The following TIMD4 variants were observed in gnomAD, a reference collection of about 807,000 sequenced individuals.
TIMD4 encodes the protein T-cell immunoglobulin and mucin domain-containing protein 4.
A neutral mutation model predicts 41.2 loss-of-function variants in TIMD4; 31 were observed. That is an observed-to-expected ratio of 0.75 (90% CI 0.57 to 1.01). The LOEUF (loss-of-function observed/expected upper bound fraction) is 1.01. TIMD4 is among the 50% of genes least tolerant of loss of function. The probability of loss-of-function intolerance (pLI) is 0.00; values close to 1 mark genes in which losing one functional copy is unlikely to be tolerated. For synonymous variants in TIMD4, 204 were observed against 177.1 expected (o/e 1.15, Z -1.21); for missense variants, 479 against 472.5 (o/e 1.01, Z -0.13).
intron 2 of TIMD4, among the ~76,000 whole-genome samples, chr5:156,953,950 TATG>T (rs2113388590): frequency 6.6e-6 from 1 of 152,344 alleles, no homozygotes; most frequent in South Asian, 2.1e-4. Context: ...TGAAAACTGC[TATG>T]ACTGTGTCCA....
chr5:156,937,783 GA>G (rs1759567430), intron 5 of TIMD4, among the ~76,000 whole-genome samples: 1 of 152,098 alleles, frequency 6.6e-6, no homozygotes, highest in Non-Finnish European at 1.5e-5. Flanking sequence ...GCTATTGTGA[GA>G]AAAAATAATA....
intron 5 of TIMD4, among the ~76,000 whole-genome samples, chr5:156,931,229 G>A (rs1014581745): frequency 6.6e-6 from 1 of 152,178 alleles, no homozygotes; most frequent in African/African-American, 2.4e-5. Flanking sequence ...TGATTTTAGA[G>A]CTTCTACCCT....
chr5:156,928,253 GC>G (rs906204127), intron 5 of TIMD4, among the ~76,000 whole-genome samples: 1 of 151,856 alleles, frequency 6.6e-6, no homozygotes, highest in Non-Finnish European at 1.5e-5. Context: ...AGCCGAGATT[GC>G]CCCACTGCAC....
chr5:156,943,519 T>C (rs1759682565), intron 5 of TIMD4, among the ~76,000 whole-genome samples: 1 of 152,168 alleles, frequency 6.6e-6, no homozygotes, highest in East Asian at 1.9e-4. Flanking sequence ...CCCAACAGGC[T>C]ATGAGAAGAA....
chr5:156,934,723 AT>A (rs1456021553), intron 5 of TIMD4, among the ~76,000 whole-genome samples: 2 of 152,210 alleles, frequency 1.3e-5, no homozygotes, highest in Admixed American at 6.5e-5. Context: ...TCAAAAAAAA[AT>A]GTTCTTAACG....
chr5:156,929,311 C>T (rs931818404), intron 5 of TIMD4, among the ~76,000 whole-genome samples: 6 of 152,278 alleles, frequency 3.9e-5, no homozygotes, highest in South Asian at 2.1e-4. Flanking sequence ...CCTCCCAGAA[C>T]TTGGGAGTAA....
intron 5 of TIMD4, among the ~76,000 whole-genome samples, chr5:156,940,711 G>A (rs916706295): frequency 1.3e-4 from 19 of 150,246 alleles, no homozygotes; most frequent in South Asian, 4.3e-4. Context: ...GAGCCCCTCC[G>A]CCCGGCAGCC....
At chr5:156,950,014 C>T (rs559666424) in intron 3 of TIMD4, among the ~76,000 whole-genome samples, 1 of 152,246 alleles carries the variant, frequency 6.6e-6, no homozygotes, top group East Asian at 1.9e-4. Flanking sequence ...GATGGGGTTT[C>T]ACCATGTTGG....
chr5:156,948,159 G>A (rs1759778707), intron 5 of TIMD4, among the ~76,000 whole-genome samples: 1 of 152,042 alleles, frequency 6.6e-6, no homozygotes, highest in Non-Finnish European at 1.5e-5. Flanking sequence ...AAGACAACCA[G>A]ATAGATGACA....
intron 1 of TIMD4, among the ~76,000 whole-genome samples, chr5:156,962,059 A>G (rs1753074423): frequency 6.6e-6 from 1 of 152,092 alleles, no homozygotes; most frequent in Admixed American, 6.6e-5. Context: ...AATGATAGTC[A>G]CTGGAGTCTA....
At chr5:156,921,532 A>G (rs1759238513) in intron 7 of TIMD4, among the ~76,000 whole-genome samples, 1 of 149,698 alleles carries the variant, frequency 6.7e-6, no homozygotes, top group Non-Finnish European at 1.5e-5. Context: ...AGGCAGGAGA[A>G]TCACTTGAAC....
chr5:156,954,698 G>A lies in TIMD4; in HGVS notation c.117C>T (p.Pro39=), dbSNP rs369988225. 3.1e-6 allele frequency: 5 copies of A among 1,614,094 alleles called. No homozygotes were observed. Among genetic ancestry groups the A allele is most frequent in the Non-Finnish European group, 4.2e-6 (5 of 1,179,960 alleles). The change falls in exon 2 of 9, where the codon CCC becomes CCT. Residue 39 remains proline (P), a synonymous_variant. Coordinates refer to ENST00000274532, the MANE Select transcript of TIMD4 (RefSeq NM_138379.3). ...TEVLGHRVTL[P]CLYSSWSHNS... is the part of the protein sequence containing the mutation. Reference sequence around the variant, plus strand: ...TGTGAGACCAGGATGAGTACAGACAGGGCAAAGTCACCCGGTGACCCAAAA... The same window carrying A: ...TGTGAGACCAGGATGAGTACAGACAAGGCAAAGTCACCCGGTGACCCAAAA...
chr5:156,944,409 C>T (rs1315031984), intron 5 of TIMD4, among the ~76,000 whole-genome samples: 1 of 151,858 alleles, frequency 6.6e-6, no homozygotes, highest in Non-Finnish European at 1.5e-5. Flanking sequence ...CTACAGATAT[C>T]CCCCATCCAG....
At chr5:156,925,583 A>G (rs1759332174) in intron 6 of TIMD4, among the ~76,000 whole-genome samples, 1 of 152,182 alleles carries the variant, frequency 6.6e-6, no homozygotes, top group South Asian at 2.1e-4. Flanking sequence ...GGCTTGAATC[A>G]CTTTTGTAAT....
chr5:156,928,426 G>C (rs1283161501), intron 5 of TIMD4, among the ~76,000 whole-genome samples: 2 of 152,136 alleles, frequency 1.3e-5, no homozygotes, highest in East Asian at 3.8e-4. Flanking sequence ...GAAATGGTCA[G>C]AGAGATCAGA....
At chr5:156,954,047 G>C (rs1483162377) in intron 2 of TIMD4, among the ~76,000 whole-genome samples, 2 of 152,270 alleles carry the variant, frequency 1.3e-5, no homozygotes, top group Admixed American at 1.3e-4. Flanking sequence ...ATTTTATTTA[G>C]TTCATGCAGT....
chr5:156,951,832 G>A (rs1343818691), intron 2 of TIMD4, 42 bp from the exon 3 acceptor site: 4 of 1,608,728 alleles, frequency 2.5e-6, no homozygotes, highest in Non-Finnish European at 3.4e-6. Context: ...AGCGGAGATG[G>A]AGGAAAAAGA....
At chr5:156,953,653 CAA>C (rs35165963) in intron 2 of TIMD4, among the ~76,000 whole-genome samples, 11 of 58,490 alleles carry the variant, frequency 1.9e-4, no homozygotes, top group African/African-American at 3.8e-4. Flanking sequence ...AAACTCTGTC[CAA>C]AAAAAAAAAA....
At chr5:156,948,352 T>TAA in intron 5 of TIMD4, 64 bp downstream of exon 5, 7 of 917,770 alleles carry the variant, frequency 7.6e-6, no homozygotes, top group South Asian at 4.4e-5. Context: ...AGATTCTGTC[T>TAA]AAAAAAAATA....
Sources: allele counts gnomAD v4.1 joint callset (sites outside exome capture counted in the v4.1 genomes callset), GRCh38; gene constraint gnomAD v4.1.1; transcripts MANE v1.5; gene names NCBI Gene and HGNC (gene_info 2026-07-23, HGNC 2026-07-21).